The following KLHL29 variants were observed in gnomAD, a reference collection of about 807,000 sequenced individuals.
The protein encoded by KLHL29 is kelch-like protein 29.
Under a neutral mutation model 80.4 loss-of-function variants are expected in KLHL29, and 21 were observed. The ratio of observed to expected loss-of-function variants is 0.26; its 90% CI spans 0.19 to 0.38. The LOEUF is 0.38. KLHL29 is among the 10% of genes least tolerant of loss of function. The pLI is 1.00. For synonymous variants in KLHL29, 511 were observed against 526.8 expected (o/e 0.97, Z 0.41); for missense variants, 867 against 1,223.9 (o/e 0.71, Z 4.35).
In KLHL29 at chr2:23,596,526, C is replaced by T. The variant is rs1283812371; in HGVS notation, c.285+34045C>T. Among the ~76,000 whole-genome samples, 6 of 152,308 alleles carry T rather than the reference C, an allele frequency of 3.9e-5. No individual in the cohort carries two copies. Among genetic ancestry groups the T allele is most frequent in the African/African-American group, 1.2e-4 (5 of 41,566 alleles). On this transcript the variant is annotated intron_variant, in intron 3 of 13. Coordinates refer to ENST00000486442, the MANE Select transcript of KLHL29 (RefSeq NM_052920.2). The surrounding 1 kb of genome is among the most constrained non-coding windows in gnomAD (Gnocchi z 4.4). Reference sequence around the variant, plus strand: ...CATGCCACACTGTCCTTGCACACAACGTGGCTTAAGTCTAAACAGAAAATA... The same window carrying T: ...CATGCCACACTGTCCTTGCACACAATGTGGCTTAAGTCTAAACAGAAAATA...
At chr2:23,463,981 T>G (rs991771696) in intron 1 of KLHL29, among the ~76,000 whole-genome samples, 2 of 152,330 alleles carry the variant, frequency 1.3e-5, no homozygotes, top group South Asian at 2.1e-4. Flanking sequence ...TATTGTGCTG[T>G]TACTGTTTTA....
chr2:23,489,893 G>T (rs923967999), intron 2 of KLHL29, among the ~76,000 whole-genome samples: 1 of 152,162 alleles, frequency 6.6e-6, no homozygotes, highest in Non-Finnish European at 1.5e-5. Context: ...GAAAGAGGAA[G>T]TCCTCTCAGG....
intron 1 of KLHL29, among the ~76,000 whole-genome samples, chr2:23,432,276 A>G (rs185600369): frequency 1.4e-4 from 21 of 152,380 alleles, no homozygotes; most frequent in Non-Finnish European, 1.6e-4. Context: ...TAATAATGCC[A>G]AAGCATTGAT....
intron 1 of KLHL29, among the ~76,000 whole-genome samples, chr2:23,408,593 TG>T (rs943283889): frequency 1.3e-5 from 2 of 152,234 alleles, no homozygotes; most frequent in African/African-American, 4.8e-5. Context: ...GAGTTATTAC[TG>T]GCAAATAAAA....
intron 2 of KLHL29, among the ~76,000 whole-genome samples, chr2:23,511,893 C>A (rs965777768): frequency 3.9e-5 from 6 of 152,096 alleles, no homozygotes; most frequent in African/African-American, 1.4e-4. Context: ...CTGACTCCAG[C>A]AGGTGAGAGT....
chr2:23,683,283 G>A (rs1671143279), intron 5 of KLHL29, among the ~76,000 whole-genome samples: 1 of 152,248 alleles, frequency 6.6e-6, no homozygotes, highest in Non-Finnish European at 1.5e-5. Flanking sequence ...CCTGCCAAGG[G>A]AAATCGCCTG....
At chr2:23,392,191 A>T (rs758344739) in intron 1 of KLHL29, among the ~76,000 whole-genome samples, 11 of 152,214 alleles carry the variant, frequency 7.2e-5, no homozygotes, top group Non-Finnish European at 1.5e-4. Context: ...GCTGTGGAAG[A>T]AGAGACAGCA....
Position 23,693,349 on chromosome 2 carries a change from G to A in KLHL29, c.1363G>A (p.Ala455Thr). 6.4e-7 allele frequency: 1 copy of A among 1,551,630 alleles called. No individual in the cohort carries two copies. Among genetic ancestry groups the A allele is most frequent in the South Asian group, 1.2e-5 (1 of 84,064 alleles). ...AMQCSELYHM[A>T]KAFALQIFPE... Reference sequence around the variant, plus strand: ...GCAGTGCAGCGAGCTCTACCACATGGCCAAGGCCTTCGCGCTGCAGATCTT... The same window carrying A: ...GCAGTGCAGCGAGCTCTACCACATGACCAAGGCCTTCGCGCTGCAGATCTT... Residue 455 changes from alanine (A) to threonine (T), a missense_variant, in exon 8 of 14, where the codon GCC (alanine) becomes ACC (threonine). By Grantham distance (58) the Ala-to-Thr change is moderately conservative. This residue lies in a region of KLHL29 where 443 missense variants were observed against 767.0 expected (regional missense o/e 0.58). Transcript: ENST00000486442.
intron 3 of KLHL29, among the ~76,000 whole-genome samples, chr2:23,580,676 T>TA (rs1667959505): frequency 3.1e-5 from 2 of 64,874 alleles, no homozygotes; most frequent in Non-Finnish European, 3.9e-5. Context: ...CTCCGTCTCA[T>TA]AAAAAAAATC....
In KLHL29 at chr2:23,647,256, A is replaced by T. The variant is rs2149161686; in HGVS notation, c.940+4406A>T. 6.6e-6 allele frequency among the ~76,000 whole-genome samples: 1 copy of T among 152,332 alleles called. No individual in the cohort carries two copies. The highest frequency in any genetic ancestry group is 2.1e-4 in the South Asian group (1 of 4,834). On this transcript the variant is annotated intron_variant, in intron 5 of 13. Coordinates refer to ENST00000486442, the MANE Select transcript of KLHL29 (RefSeq NM_052920.2). This position sits in a 1 kb window ranked among gnomAD's most constrained non-coding sequence, Gnocchi z 4.9. Reference sequence around the variant, plus strand: ...CCCCACACTCTGACATGTCCAGGGCACATTGTTCCTTCCACAGCCTCCATA... The same window carrying T: ...CCCCACACTCTGACATGTCCAGGGCTCATTGTTCCTTCCACAGCCTCCATA...
chr2:23,408,397 C>T (rs1053892694), intron 1 of KLHL29, among the ~76,000 whole-genome samples: 2 of 146,620 alleles, frequency 1.4e-5, no homozygotes, highest in Non-Finnish European at 1.5e-5. Flanking sequence ...ATTGAGTCTT[C>T]TCATTCAGGA....
At chr2:23,431,318 A>G (rs1486413710) in intron 1 of KLHL29, among the ~76,000 whole-genome samples, 1 of 152,262 alleles carries the variant, frequency 6.6e-6, no homozygotes, top group Non-Finnish European at 1.5e-5. Context: ...CAGTGCAGTG[A>G]ATAAGACCAC....
At chr2:23,499,372 G>A (rs1665364658) in intron 2 of KLHL29, among the ~76,000 whole-genome samples, 1 of 152,132 alleles carries the variant, frequency 6.6e-6, no homozygotes, top group South Asian at 2.1e-4. Context: ...GACAGATTAG[G>A]GCAACTGGAT....
At chr2:23,521,169 A>G (rs116041992) in intron 2 of KLHL29, among the ~76,000 whole-genome samples, 1,755 of 152,258 alleles carry the variant, frequency 0.012, 30 homozygotes, top group African/African-American at 0.036. Flanking sequence ...TGCAGGAGGT[A>G]TCCTGGGAGG....
chr2:23,542,976 A>G (rs1160942427), intron 2 of KLHL29, among the ~76,000 whole-genome samples: 1 of 152,142 alleles, frequency 6.6e-6, no homozygotes, highest in Non-Finnish European at 1.5e-5. Flanking sequence ...CAGGCTAACT[A>G]TTGGAACAAA....
At chr2:23,549,345 A>G (rs976283968) in intron 2 of KLHL29, among the ~76,000 whole-genome samples, 3 of 152,230 alleles carry the variant, frequency 2.0e-5, no homozygotes, top group African/African-American at 7.2e-5. Flanking sequence ...AAGCTGTTCA[A>G]ACAGCCAGCT....
chr2:23,411,380 TG>T (rs1178248024), intron 1 of KLHL29, among the ~76,000 whole-genome samples: 2 of 2,494 alleles, frequency 8.0e-4, no homozygotes, highest in African/African-American at 2.3e-3. Context: ...TTGCAAAAAT[TG>T]TGTGTGTGTG....
chr2:23,677,175 TCAGTCC>T (rs1670946292), intron 5 of KLHL29, among the ~76,000 whole-genome samples: 1 of 152,222 alleles, frequency 6.6e-6, no homozygotes, highest in Non-Finnish European at 1.5e-5. Context: ...AAGGCAGTCT[TCAGTCC>T]CACCCGCACC....
intron 3 of KLHL29, among the ~76,000 whole-genome samples, chr2:23,610,610 G>A (rs1333613770): frequency 2.0e-5 from 3 of 152,234 alleles, no homozygotes; most frequent in Admixed American, 2.0e-4. Context: ...GTCATGATCA[G>A]CAGATTGCCT....
Sources: gnomAD v4.1 joint callset for allele counts (sites outside exome capture counted in the v4.1 genomes callset) on GRCh38, gnomAD v4.1.1 for gene constraint, gnomAD v4.1.1 regional missense constraint, Gnocchi (gnomAD v3.1) non-coding constraint, MANE v1.5 for transcripts, NCBI Gene and HGNC (gene_info 2026-07-23, HGNC 2026-07-21) for gene names.